The following ADAMTS3 variants were observed in gnomAD, a reference collection of about 807,000 sequenced individuals.
The protein encoded by ADAMTS3 is A disintegrin and metalloproteinase with thrombospondin motifs 3.
In ADAMTS3, 73 loss-of-function variants were observed where a neutral mutation model predicts 129.0. That is an observed-to-expected ratio of 0.57 (90% confidence interval 0.47 to 0.69). The LOEUF is 0.69. ADAMTS3 is among the 30% of genes least tolerant of loss of function. The pLI is 0.00. For synonymous variants in ADAMTS3, 477 were observed against 510.8 expected (o/e 0.93, Z 0.89); for missense variants, 1,457 against 1,514.5 (o/e 0.96, Z 0.63).
chr4:72,410,658 G>A lies in ADAMTS3; in HGVS notation c.661+4157C>T, dbSNP rs1722163145. Among the ~76,000 whole-genome samples, 4 of 152,118 alleles carry A rather than the reference G, an allele frequency of 2.6e-5. No homozygotes were observed. The South Asian group carries it at 8.3e-4, about 32-fold the overall frequency. On this transcript the variant is annotated intron_variant, in intron 4 of 21. Transcript: ENST00000286657. ...ATGATGACAGAGTAAACATTCTTAT[G>A]AGATAGGCAGGGGTATATTTTTTTA...
chr4:72,531,473 T>C (rs1231605440), intron 3 of ADAMTS3, among the ~76,000 whole-genome samples: 1 of 152,136 alleles, frequency 6.6e-6, no homozygotes, highest in African/African-American at 2.4e-5. Flanking sequence ...ACTGGGTATT[T>C]GAAGCCACAG....
intron 3 of ADAMTS3, among the ~76,000 whole-genome samples, chr4:72,447,255 C>G (rs889946882): frequency 2.6e-5 from 4 of 151,828 alleles, no homozygotes; most frequent in African/African-American, 9.6e-5. Context: ...TAACTGCCAG[C>G]ATGAACAAGC....
chr4:72,356,333 T>G, intron 4 of ADAMTS3, among the ~76,000 whole-genome samples: 1 of 152,044 alleles, frequency 6.6e-6, no homozygotes, highest in South Asian at 2.1e-4. Context: ...TTGAATAAAC[T>G]ATATCTTATC....
At chr4:72,371,441 GTAAATAAATAAA>G (rs4019787) in intron 4 of ADAMTS3, among the ~76,000 whole-genome samples, 29 of 148,728 alleles carry the variant, frequency 1.9e-4, no homozygotes, top group African/African-American at 2.7e-4. Context: ...GACACTAAAA[GTAAATAAATAAA>G]TAAATAAATA....
At chr4:72,556,806 T>C (rs1721779541) in intron 2 of ADAMTS3, among the ~76,000 whole-genome samples, 1 of 151,728 alleles carries the variant, frequency 6.6e-6, no homozygotes, top group Non-Finnish European at 1.5e-5. Context: ...TAATAACACT[T>C]TAATAAATGA....
At chr4:72,298,099 G>C in intron 18 of ADAMTS3, 178 bp downstream of exon 18, 1 of 527,742 alleles carries the variant, frequency 1.9e-6, no homozygotes, top group Non-Finnish European at 3.3e-6. Flanking sequence ...GTTATGAAAG[G>C]AATCCTATGA....
At chr4:72,430,451 C>T (rs879761295) in intron 3 of ADAMTS3, among the ~76,000 whole-genome samples, 4 of 151,952 alleles carry the variant, frequency 2.6e-5, no homozygotes, top group African/African-American at 7.2e-5. Context: ...AGCCCAGGCA[C>T]CAGACATGTG....
chr4:72,284,558 T>A (rs1718452974), intron 21 of ADAMTS3, among the ~76,000 whole-genome samples: 1 of 152,240 alleles, frequency 6.6e-6, no homozygotes, highest in African/African-American at 2.4e-5. Context: ...TATGCCAAAT[T>A]TCTTATGAAT....
intron 3 of ADAMTS3, among the ~76,000 whole-genome samples, chr4:72,538,660 T>C (rs1173366654): frequency 1.3e-5 from 2 of 152,032 alleles, no homozygotes; most frequent in Non-Finnish European, 2.9e-5. Flanking sequence ...GAAAAACCCA[T>C]CTTAAATTCA....
chr4:72,520,146 A>T (rs982490631), intron 3 of ADAMTS3, among the ~76,000 whole-genome samples: 1 of 152,156 alleles, frequency 6.6e-6, no homozygotes, highest in Non-Finnish European at 1.5e-5. Flanking sequence ...GTGGCTGCAG[A>T]ACAGCAGATT....
At chr4:72,558,723 C>G (rs1721829186) in intron 2 of ADAMTS3, among the ~76,000 whole-genome samples, 1 of 151,614 alleles carries the variant, frequency 6.6e-6, no homozygotes, top group East Asian at 1.9e-4. Flanking sequence ...GCATGCATCC[C>G]TCCTTTTTCT....
intron 4 of ADAMTS3, among the ~76,000 whole-genome samples, chr4:72,382,202 CAT>C (rs1721310599): frequency 6.6e-6 from 1 of 151,872 alleles, no homozygotes; most frequent in Non-Finnish European, 1.5e-5. Flanking sequence ...TTATGGCACA[CAT>C]AGTTAATGAT....
chr4:72,298,061 G>T (rs1418431174), intron 18 of ADAMTS3, among the ~76,000 whole-genome samples: 1 of 152,090 alleles, frequency 6.6e-6, no homozygotes, highest in Admixed American at 6.6e-5. Flanking sequence ...TGAGAGAAAA[G>T]GGCAAGAGGA....
rs749298532 is a variant in ADAMTS3, at chr4:72,414,859, A to G, written c.617T>C (p.Val206Ala). Residue 206 changes from valine (V) to alanine (A), a missense_variant, in exon 4 of 22, where the codon GTA becomes GCA. Physicochemically the swap from Val to Ala is moderately conservative, Grantham distance 64. Coordinates refer to ENST00000286657, the MANE Select transcript of ADAMTS3 (RefSeq NM_014243.3). ...GGACATGTCTATGGGAGCCTGTTCT[A>G]CAGCTGATCTCTTGTAGACAACATG... ...RIHVVYKRSA[V>A]EQAPIDMSKD... 1.1e-5 allele frequency: 17 copies of G among 1,562,550 alleles called. No individual in the cohort carries two copies. The highest frequency in any genetic ancestry group is 1.5e-5 in the Non-Finnish European group (17 of 1,157,262).
chr4:72,359,938 T>A (rs554187869), intron 4 of ADAMTS3, among the ~76,000 whole-genome samples: 1 of 152,188 alleles, frequency 6.6e-6, no homozygotes, highest in East Asian at 1.9e-4. Context: ...ACACTTTTCA[T>A]TATAAAACAT....
intron 4 of ADAMTS3, among the ~76,000 whole-genome samples, chr4:72,395,300 T>C (rs1205331363): frequency 6.6e-6 from 1 of 152,160 alleles, no homozygotes; most frequent in Non-Finnish European, 1.5e-5. Context: ...TTAAAAATGA[T>C]AGACTCCTTT....
chr4:72,455,469 T>C (rs1718522678), intron 3 of ADAMTS3, among the ~76,000 whole-genome samples: 1 of 151,156 alleles, frequency 6.6e-6, no homozygotes, highest in South Asian at 2.1e-4. Context: ...CACCAGGGCC[T>C]ATTGGGGGTG....
At chr4:72,502,762 C>T (rs1720057605) in intron 3 of ADAMTS3, among the ~76,000 whole-genome samples, 2 of 152,004 alleles carry the variant, frequency 1.3e-5, no homozygotes, top group Admixed American at 1.3e-4. Context: ...GGTACATGTG[C>T]AGAACATGCA....
chr4:72,350,960 C>T lies in ADAMTS3; in HGVS notation c.662-11267G>A, dbSNP rs552363502. On this transcript the variant is annotated intron_variant, in intron 4 of 21. Coordinates refer to ENST00000286657, the MANE Select transcript of ADAMTS3 (RefSeq NM_014243.3). Reference sequence around the variant, plus strand: ...TTCTCAGTCCTGTGAGCTCTGGCCACCTTCCTCTCTCCAGGCTCTCAGCTC... The same window carrying T: ...TTCTCAGTCCTGTGAGCTCTGGCCATCTTCCTCTCTCCAGGCTCTCAGCTC... Among the ~76,000 whole-genome samples the T allele has an allele frequency of 5.9e-5, 9 of 152,032 alleles. No individual in the cohort carries two copies. The South Asian group carries it at 1.9e-3, about 31-fold the overall frequency.
Sources: allele counts gnomAD v4.1 joint callset (sites outside exome capture counted in the v4.1 genomes callset), GRCh38; gene constraint gnomAD v4.1.1; transcripts MANE v1.5; gene names NCBI Gene and HGNC (gene_info 2026-07-23, HGNC 2026-07-21).